PLSCR1: variants seen among roughly 807,000 people sequenced by gnomAD.
PLSCR1 encodes the protein phospholipid scramblase 1.
Under a neutral mutation model 37.8 loss-of-function variants are expected in PLSCR1, and 17 were observed. That is an observed-to-expected ratio of 0.45 (90% CI 0.31 to 0.68). The LOEUF (loss-of-function observed/expected upper bound fraction) is 0.68. Among genes scored for constraint, PLSCR1 ranks in the 30% least tolerant of loss-of-function variants. The pLI, the probability that PLSCR1 is intolerant of heterozygous loss-of-function variation, is 0.06. For missense variants in PLSCR1, 347 were observed against 380.9 expected, an observed-to-expected ratio of 0.91 and a Z score of 0.74; for synonymous variants, 116 against 125.9, an observed-to-expected ratio of 0.92 and a Z score of 0.53.
chr3:146,517,902 C>G (rs1001170792), intron 7 of PLSCR1, among the ~76,000 whole-genome samples: 3 of 152,136 alleles, frequency 2.0e-5, no homozygotes, highest in Admixed American at 6.6e-5. Flanking sequence ...CAGGTGGGGA[C>G]TGAATGTAGC....
At chr3:146,520,565 C>T (rs1434473331) in intron 7 of PLSCR1, among the ~76,000 whole-genome samples, 5 of 152,132 alleles carry the variant, frequency 3.3e-5, no homozygotes, top group African/African-American at 1.2e-4. Context: ...CTCCTTAGAA[C>T]TGCAAATCTC....
chr3:146,531,999 T>G (rs2044205560), intron 3 of PLSCR1, among the ~76,000 whole-genome samples: 1 of 152,194 alleles, frequency 6.6e-6, no homozygotes, highest in African/African-American at 2.4e-5. Flanking sequence ...AAAGTGTTAG[T>G]CCACATTAAC....
At chr3:146,543,803 T>C (rs542159017) in intron 1 of PLSCR1, among the ~76,000 whole-genome samples, 285 of 152,244 alleles carry the variant, frequency 1.9e-3, no homozygotes, top group Middle Eastern at 3.4e-3. Flanking sequence ...GATGAGGCAA[T>C]GGAAAGAACA....
intron 5 of PLSCR1, among the ~76,000 whole-genome samples, chr3:146,522,535 C>G (rs1001146186): frequency 6.6e-6 from 1 of 152,100 alleles, no homozygotes. Flanking sequence ...TCTCAAGTAC[C>G]CAGGGACACA....
chr3:146,525,873 T>C (rs2044101220), intron 4 of PLSCR1, among the ~76,000 whole-genome samples: 1 of 151,902 alleles, frequency 6.6e-6, no homozygotes, highest in South Asian at 2.1e-4. Context: ...CAAATAAAAT[T>C]GATTTATACT....
chr3:146,517,644 C>A (rs552527950), intron 7 of PLSCR1, among the ~76,000 whole-genome samples: 1 of 152,008 alleles, frequency 6.6e-6, no homozygotes, highest in Non-Finnish European at 1.5e-5. Flanking sequence ...ATGCTAAGCA[C>A]CTAGAAAAGA....
intron 2 of PLSCR1, among the ~76,000 whole-genome samples, chr3:146,534,706 T>C (rs2044243242): frequency 6.6e-6 from 1 of 151,804 alleles, no homozygotes; most frequent in Admixed American, 6.6e-5. Context: ...TGAAACCCCA[T>C]CTCTACTAAA....
intron 7 of PLSCR1, 122 bp from the exon 8 acceptor site, chr3:146,517,289 A>G: frequency 2.1e-6 from 1 of 465,292 alleles, no homozygotes; most frequent in Non-Finnish European, 3.7e-6. Flanking sequence ...AACCCTCATT[A>G]GATAACTGGA....
intron 5 of PLSCR1, among the ~76,000 whole-genome samples, chr3:146,522,292 CCAT>C (rs1162534320): frequency 6.6e-6 from 1 of 152,060 alleles, no homozygotes; most frequent in Non-Finnish European, 1.5e-5. Flanking sequence ...CAGATTGTTA[CCAT>C]GTCTGTGTAG....
intron 2 of PLSCR1, among the ~76,000 whole-genome samples, chr3:146,535,176 A>G (rs899976415): frequency 1.3e-5 from 2 of 151,814 alleles, no homozygotes; most frequent in Admixed American, 6.6e-5. Flanking sequence ...TGAAGTAAAG[A>G]TCTACCCTTG....
chr3:146,533,681 T>C, intron 2 of PLSCR1, 131 bp from the exon 3 acceptor site: 1 of 471,226 alleles, frequency 2.1e-6, no homozygotes, highest in Non-Finnish European at 3.7e-6. Flanking sequence ...AAGTAAAATT[T>C]TCACTTAACG....
At chr3:146,539,314 T>G (rs2044307060) in intron 1 of PLSCR1, among the ~76,000 whole-genome samples, 1 of 152,138 alleles carries the variant, frequency 6.6e-6, no homozygotes, top group African/African-American at 2.4e-5. Flanking sequence ...GAGGTTGAGC[T>G]CAGGTGGTAA....
intron 4 of PLSCR1, chr3:146,528,317 T>C (rs2044147195): frequency 5.3e-6 from 2 of 374,454 alleles, no homozygotes; most frequent in Non-Finnish European, 5.0e-6. Flanking sequence ...TCAATAAGGA[T>C]TAAATGAGTT....
At chr3:146,543,624 A>G (rs780586849) in intron 1 of PLSCR1, among the ~76,000 whole-genome samples, 19 of 152,244 alleles carry the variant, frequency 1.2e-4, no homozygotes, top group Admixed American at 1.1e-3. Flanking sequence ...CAGTGCATGA[A>G]TGAAACCACC....
At chr3:146,540,067 A>G (rs1274722624) in intron 1 of PLSCR1, among the ~76,000 whole-genome samples, 1 of 152,238 alleles carries the variant, frequency 6.6e-6, no homozygotes, top group Admixed American at 6.5e-5. Flanking sequence ...ATTTAGCATG[A>G]TAATTCATAA....
intron 7 of PLSCR1, 160 bp from the exon 8 acceptor site, chr3:146,517,327 GA>G (rs1426483066): frequency 8.2e-6 from 3 of 368,012 alleles, no homozygotes; most frequent in Non-Finnish European, 4.8e-6. Flanking sequence ...ATAGATATAT[GA>G]AAAAAACTGT....
At chr3:146,538,359 A>G (rs1238197210) in intron 1 of PLSCR1, among the ~76,000 whole-genome samples, 2 of 152,290 alleles carry the variant, frequency 1.3e-5, no homozygotes, top group East Asian at 3.9e-4. Flanking sequence ...ACCATCAAAG[A>G]CTATACTTTA....
At chr3:146,541,271 A>C (rs2044335224) in intron 1 of PLSCR1, 1 of 152,196 alleles carries the variant, frequency 6.6e-6, no homozygotes, top group African/African-American at 2.4e-5. Context: ...TGTAGATGAT[A>C]CATCAACTAG....
At chr3:146,527,134 C>A (rs1388490716) in intron 4 of PLSCR1, among the ~76,000 whole-genome samples, 5 of 150,572 alleles carry the variant, frequency 3.3e-5, no homozygotes, top group Admixed American at 6.6e-5. Context: ...GAGACTCCAT[C>A]TAAAAAAAAA....
Sources: gnomAD v4.1 joint callset for allele counts (sites outside exome capture counted in the v4.1 genomes callset) on GRCh38, gnomAD v4.1.1 for gene constraint, MANE v1.5 for transcripts, NCBI Gene and HGNC (gene_info 2026-07-23, HGNC 2026-07-21) for gene names.